Variants in ATP8B4 observed in about 807,000 individuals in gnomAD.
The protein encoded by ATP8B4 is probable phospholipid-transporting ATPase IM.
A neutral mutation model predicts 145.6 loss-of-function variants in ATP8B4; 133 were observed. That is an observed-to-expected ratio of 0.91 (90% CI 0.79 to 1.05). The LOEUF (loss-of-function observed/expected upper bound fraction) is 1.05, where lower values mean the gene tolerates loss of function less well. Ranked by LOEUF, ATP8B4 falls within the 50% of genes least tolerant of loss-of-function variation. The pLI is 0.00. For missense variants in ATP8B4, 1,458 were observed against 1,425.2 expected, an observed-to-expected ratio of 1.02 and a Z score of -0.37; for synonymous variants, 507 against 492.9, an observed-to-expected ratio of 1.03 and a Z score of -0.38.
At chr15:50,171,249 T>C (rs2044670386) in intron 1 of ATP8B4, among the ~76,000 whole-genome samples, 1 of 152,132 alleles carries the variant, frequency 6.6e-6, no homozygotes, top group Admixed American at 6.6e-5. Flanking sequence ...AACCACAGAA[T>C]ATACACTCTA....
upstream of ATP8B4, among the ~76,000 whole-genome samples, chr15:50,122,181 G>A (rs1273423294): frequency 6.6e-6 from 1 of 152,154 alleles, no homozygotes; most frequent in Non-Finnish European, 1.5e-5. Context: ...TTAACTACCT[G>A]TAACAAGTGG....
At chr15:50,003,165 A>T (rs1332500142) in intron 7 of ATP8B4, among the ~76,000 whole-genome samples, 6 of 152,098 alleles carry the variant, frequency 3.9e-5, no homozygotes. Context: ...TTTATTTTTA[A>T]AAACATTAGA....
At chr15:49,871,752 T>G (rs1430553908) in intron 25 of ATP8B4, among the ~76,000 whole-genome samples, 1 of 152,214 alleles carries the variant, frequency 6.6e-6, no homozygotes, top group Non-Finnish European at 1.5e-5. Context: ...TGCCAGACAC[T>G]GGAAGCCTCT....
chr15:50,018,749 C>CTACA (rs1429209482), intron 6 of ATP8B4: 1 of 345,664 alleles, frequency 2.9e-6, no homozygotes, highest in Non-Finnish European at 5.5e-6. Flanking sequence ...TATGCCTGGA[C>CTACA]TGTATTATTC....
chr15:50,144,470 AG>A (rs759366902), intron 1 of ATP8B4, among the ~76,000 whole-genome samples: 132 of 152,336 alleles, frequency 8.7e-4, no homozygotes, highest in Admixed American at 2.1e-3. Flanking sequence ...AGAGGAAGCA[AG>A]GCACATCTTA....
intron 27 of ATP8B4, 149 bp from the exon 28 acceptor site, chr15:49,860,624 C>T (rs2031494953): frequency 1.0e-6 from 1 of 968,796 alleles, no homozygotes; most frequent in Non-Finnish European, 1.5e-6. Context: ...AAGAAATTTT[C>T]CACCCAAAAG....
At chr15:50,044,837 A>T (rs2051597608) in intron 4 of ATP8B4, 145 bp from the exon 5 acceptor site, 1 of 583,388 alleles carries the variant, frequency 1.7e-6, no homozygotes, top group African/African-American at 1.9e-5. Context: ...AAGTGTTTGT[A>T]TTTGGTTATA....
At chr15:50,017,938 C>T (rs949959141) in intron 6 of ATP8B4, among the ~76,000 whole-genome samples, 1 of 151,928 alleles carries the variant, frequency 6.6e-6, no homozygotes, top group Non-Finnish European at 1.5e-5. Context: ...TAATGTTTAT[C>T]ATCCCTAGTT....
At chr15:49,965,474 C>A (rs1439700722) in intron 13 of ATP8B4, among the ~76,000 whole-genome samples, 1 of 152,090 alleles carries the variant, frequency 6.6e-6, no homozygotes, top group Non-Finnish European at 1.5e-5. Context: ...TTCCGCAGAG[C>A]CTCTGTGCTC....
At chr15:50,099,013 G>C (rs2056174094) in intron 2 of ATP8B4, among the ~76,000 whole-genome samples, 1 of 152,108 alleles carries the variant, frequency 6.6e-6, no homozygotes, top group South Asian at 2.1e-4. Flanking sequence ...AAAGGCAAAA[G>C]TGCCTAGAGC....
intron 2 of ATP8B4, among the ~76,000 whole-genome samples, chr15:50,082,127 A>G (rs1333630419): frequency 2.0e-5 from 3 of 152,222 alleles, no homozygotes; most frequent in African/African-American, 7.2e-5. Flanking sequence ...TTCATTCTTC[A>G]TAATCTGGTC....
chr15:49,949,350 G>A (rs2042861066), intron 14 of ATP8B4, among the ~76,000 whole-genome samples: 1 of 152,172 alleles, frequency 6.6e-6, no homozygotes, highest in Non-Finnish European at 1.5e-5. Context: ...TCCTTGAGCA[G>A]TGGTTTGTAG....
At chr15:49,957,129 A>G (rs1363246704) in intron 14 of ATP8B4, among the ~76,000 whole-genome samples, 1 of 152,154 alleles carries the variant, frequency 6.6e-6, no homozygotes, top group African/African-American at 2.4e-5. Flanking sequence ...TAAAGCTGCA[A>G]ATCGACTCAT....
chr15:49,976,144 T>C (rs930579108), intron 12 of ATP8B4, among the ~76,000 whole-genome samples: 2 of 152,180 alleles, frequency 1.3e-5, no homozygotes, highest in African/African-American at 4.8e-5. Flanking sequence ...TCCCTGAAAT[T>C]ACACTGTGAC....
intron 17 of ATP8B4, among the ~76,000 whole-genome samples, chr15:49,921,388 C>T (rs2153455555): frequency 6.6e-6 from 1 of 152,258 alleles, no homozygotes; most frequent in East Asian, 1.9e-4. Context: ...TGTATCGTGA[C>T]AATCTCAAAC....
At chr15:49,943,517 A>C (rs540393924) in intron 14 of ATP8B4, among the ~76,000 whole-genome samples, 55 of 152,358 alleles carry the variant, frequency 3.6e-4, no homozygotes, top group African/African-American at 1.3e-3. Flanking sequence ...CAAGATCATC[A>C]GTAGATTTTC....
chr15:49,892,253 T>G (rs2036909638), intron 23 of ATP8B4, among the ~76,000 whole-genome samples: 1 of 152,186 alleles, frequency 6.6e-6, no homozygotes, highest in Non-Finnish European at 1.5e-5. Context: ...GTGTGACAAG[T>G]TGTGTTTTTA....
intron 20 of ATP8B4, among the ~76,000 whole-genome samples, chr15:49,907,624 T>C (rs997903202): frequency 3.9e-5 from 6 of 152,336 alleles, no homozygotes; most frequent in African/African-American, 1.4e-4. Context: ...CTTTAAGTTC[T>C]TATCTAATCC....
At chr15:50,120,262 G>T (rs1001652147), upstream of ATP8B4, among the ~76,000 whole-genome samples, 1 of 152,030 alleles carries the variant, frequency 6.6e-6, no homozygotes, top group African/African-American at 2.4e-5. Flanking sequence ...TCCTACCAAG[G>T]TTCCACAGTA....
Sources: gnomAD v4.1 joint callset for allele counts (sites outside exome capture counted in the v4.1 genomes callset) on GRCh38, gnomAD v4.1.1 for gene constraint, MANE v1.5 for transcripts, NCBI Gene and HGNC (gene_info 2026-07-23, HGNC 2026-07-21) for gene names.